Variants in MSRA observed in about 807,000 individuals in gnomAD.
MSRA encodes the protein mitochondrial peptide methionine sulfoxide reductase.
A neutral mutation model predicts 31.3 loss-of-function variants in MSRA; 54 were observed. The observed-to-expected ratio is 1.73, with a 90% CI of 1.39 to 2.17. MSRA has a LOEUF of 2.17. Ranked by LOEUF, MSRA falls within the 30% of genes most tolerant of loss-of-function variation. The pLI, the probability that MSRA is intolerant of heterozygous loss-of-function variation, is 0.00. For missense variants in MSRA, 507 were observed against 300.9 expected, an observed-to-expected ratio of 1.69 and a Z score of -5.07; for synonymous variants, 169 against 116.5, an observed-to-expected ratio of 1.45 and a Z score of -2.90.
intron 1 of MSRA, among the ~76,000 whole-genome samples, chr8:10,134,905 C>A (rs976685208): frequency 6.6e-6 from 1 of 152,124 alleles, no homozygotes; most frequent in Non-Finnish European, 1.5e-5. Context: ...GAGCTCTTGC[C>A]CCGGAGTGTT....
intron 3 of MSRA, among the ~76,000 whole-genome samples, chr8:10,258,543 G>A (rs1028894550): frequency 3.9e-5 from 6 of 152,160 alleles, no homozygotes; most frequent in Admixed American, 6.5e-5. Context: ...CCCCTCATGC[G>A]TTAAATAAGG....
At chr8:10,099,485 G>T (rs766934197) in intron 1 of MSRA, among the ~76,000 whole-genome samples, 2 of 152,192 alleles carry the variant, frequency 1.3e-5, no homozygotes, top group African/African-American at 2.4e-5. Context: ...AAATACCTTC[G>T]CCTGTTATTC....
chr8:10,328,351 G>C (rs780441575), intron 5 of MSRA, among the ~76,000 whole-genome samples: 7 of 148,638 alleles, frequency 4.7e-5, no homozygotes, highest in African/African-American at 9.9e-5. Flanking sequence ...CCTTTCCCTC[G>C]CCTTTTCCCT....
At chr8:10,417,712 A>G (rs1808551381) in intron 5 of MSRA, among the ~76,000 whole-genome samples, 2 of 137,182 alleles carry the variant, frequency 1.5e-5, no homozygotes, top group South Asian at 4.6e-4. Flanking sequence ...ATGGACTAAA[A>G]TAGCTGACTG....
At chr8:10,116,614 C>A (rs781082594) in intron 1 of MSRA, among the ~76,000 whole-genome samples, 10 of 152,118 alleles carry the variant, frequency 6.6e-5, no homozygotes, top group Non-Finnish European at 1.0e-4. Context: ...CGATAGACAC[C>A]TAGGATGCTG....
At chr8:10,172,069 A>T (rs1375182719) in intron 1 of MSRA, among the ~76,000 whole-genome samples, 1 of 152,212 alleles carries the variant, frequency 6.6e-6, no homozygotes, top group Non-Finnish European at 1.5e-5. Flanking sequence ...CCAGATTTCC[A>T]TGGGGACTAG....
chr8:10,345,790 A>T (rs1803732580), intron 5 of MSRA, among the ~76,000 whole-genome samples: 1 of 152,208 alleles, frequency 6.6e-6, no homozygotes. Flanking sequence ...GTTTGCATGA[A>T]ACTAAAGGCA....
chr8:10,072,305 ATTTT>A (rs34457495), intron 1 of MSRA, among the ~76,000 whole-genome samples: 1 of 145,244 alleles, frequency 6.9e-6, no homozygotes, highest in African/African-American at 2.5e-5. Context: ...CTTTCGCAAC[ATTTT>A]TTTTTTTTTT....
intron 1 of MSRA, among the ~76,000 whole-genome samples, chr8:10,121,254 C>T (rs772944646): frequency 2.0e-4 from 30 of 152,152 alleles, no homozygotes; most frequent in Middle Eastern, 3.4e-3. Context: ...GCCTGAGGAC[C>T]GTGAAGACAG....
chr8:10,323,009 G>A (rs1358841765), intron 5 of MSRA, among the ~76,000 whole-genome samples: 1 of 146,578 alleles, frequency 6.8e-6, no homozygotes, highest in Non-Finnish European at 1.5e-5. Context: ...AGAAATGCTT[G>A]AACCCAGGAA....
chr8:10,309,026 C>G (rs1481946649), intron 4 of MSRA, among the ~76,000 whole-genome samples: 3 of 152,230 alleles, frequency 2.0e-5, no homozygotes, highest in Admixed American at 1.3e-4. Context: ...GGCTCCTTCT[C>G]CTTTAAGTCT....
intron 2 of MSRA, among the ~76,000 whole-genome samples, chr8:10,242,826 C>T (rs1797406104): frequency 6.6e-6 from 1 of 152,208 alleles, no homozygotes; most frequent in East Asian, 1.9e-4. Flanking sequence ...GAGTTTTATC[C>T]TCCTAACAAC....
intron 4 of MSRA, among the ~76,000 whole-genome samples, chr8:10,310,050 G>T (rs767003866): frequency 6.6e-6 from 1 of 152,212 alleles, no homozygotes; most frequent in Non-Finnish European, 1.5e-5. Flanking sequence ...GAACTTGCCA[G>T]ATTAATATCT....
intron 3 of MSRA, among the ~76,000 whole-genome samples, chr8:10,253,518 A>C (rs1798023198): frequency 6.6e-6 from 1 of 152,248 alleles, no homozygotes; most frequent in Admixed American, 6.5e-5. Flanking sequence ...ACAAATGGAA[A>C]GGAACAATAA....
chr8:10,171,129 CTTT>C, intron 1 of MSRA, among the ~76,000 whole-genome samples: 1 of 152,214 alleles, frequency 6.6e-6, no homozygotes, highest in Non-Finnish European at 1.5e-5. Flanking sequence ...TTGCAACTGA[CTTT>C]CCTCCTATAC....
chr8:10,112,071 C>T (rs573378804), intron 1 of MSRA, among the ~76,000 whole-genome samples: 23 of 148,966 alleles, frequency 1.5e-4, no homozygotes, highest in Admixed American at 3.4e-4. Flanking sequence ...ATTTGTTAAT[C>T]CTAATAGATA....
intron 4 of MSRA, among the ~76,000 whole-genome samples, chr8:10,303,433 G>A (rs1324810759): frequency 6.6e-6 from 1 of 152,158 alleles, no homozygotes; most frequent in African/African-American, 2.4e-5. Context: ...TTCATCATTT[G>A]GCCTTCTATG....
intron 5 of MSRA, among the ~76,000 whole-genome samples, chr8:10,336,203 A>C (rs1426719877): frequency 1.3e-5 from 2 of 152,222 alleles, no homozygotes; most frequent in Admixed American, 6.5e-5. Flanking sequence ...TGGCAGAAAC[A>C]CATTTGCAAA....
At chr8:10,322,405 A>G (rs1802094473) in intron 5 of MSRA, among the ~76,000 whole-genome samples, 1 of 152,226 alleles carries the variant, frequency 6.6e-6, no homozygotes, top group Non-Finnish European at 1.5e-5. Context: ...TTTAGGAAGT[A>G]CAAAGACCAG....
Sources: allele counts gnomAD v4.1 joint callset (sites outside exome capture counted in the v4.1 genomes callset), GRCh38; gene constraint gnomAD v4.1.1; transcripts MANE v1.5; gene names NCBI Gene and HGNC (gene_info 2026-07-23, HGNC 2026-07-21).